The following DSCAM variants were observed in gnomAD, a reference collection of about 807,000 sequenced individuals.
DSCAM encodes DS cell adhesion molecule.
In DSCAM, 47 loss-of-function variants were observed where a neutral mutation model predicts 217.7. That is an observed-to-expected ratio of 0.22 (90% CI 0.17 to 0.28). DSCAM has a LOEUF of 0.28. Ranked by LOEUF, DSCAM falls within the 10% of genes least tolerant of loss-of-function variation. The probability of loss-of-function intolerance (pLI) is 1.00; values close to 1 mark genes in which losing one functional copy is unlikely to be tolerated. For synonymous variants in DSCAM, 1,056 were observed against 1,015.3 expected, an observed-to-expected ratio of 1.04 and a Z score of -0.76; for missense variants, 2,080 against 2,618.3, an observed-to-expected ratio of 0.79 and a Z score of 4.49.
intron 3 of DSCAM, among the ~76,000 whole-genome samples, chr21:40,614,287 G>T (rs1366839987): frequency 1.3e-5 from 2 of 151,970 alleles, no homozygotes; most frequent in Non-Finnish European, 2.9e-5. Flanking sequence ...TCATGTACTT[G>T]GTAAATTTAA....
intron 1 of DSCAM, among the ~76,000 whole-genome samples, chr21:40,808,401 G>C (rs996555852): frequency 4.6e-5 from 7 of 151,990 alleles, no homozygotes; most frequent in African/African-American, 1.7e-4. Flanking sequence ...GAGTGGTCAA[G>C]CTCTGGCAGG....
At chr21:40,274,036 C>G (rs895800942) in intron 11 of DSCAM, among the ~76,000 whole-genome samples, 1 of 152,206 alleles carries the variant, frequency 6.6e-6, no homozygotes, top group Admixed American at 6.5e-5. Context: ...ATACCCTCTT[C>G]CATGAACCCT....
intron 20 of DSCAM, among the ~76,000 whole-genome samples, chr21:40,096,372 C>G (rs1457439110): frequency 6.6e-6 from 1 of 152,170 alleles, no homozygotes; most frequent in Non-Finnish European, 1.5e-5. Context: ...CACATACTGT[C>G]AGGACCTCCT....
At chr21:40,128,717 AAG>A (rs1449186495) in intron 19 of DSCAM, among the ~76,000 whole-genome samples, 1 of 151,490 alleles carries the variant, frequency 6.6e-6, no homozygotes, top group Non-Finnish European at 1.5e-5. Context: ...AAAAAAAAAA[AAG>A]ATCCCATATC....
chr21:40,432,892 G>A (rs1186518734), intron 3 of DSCAM, among the ~76,000 whole-genome samples: 1 of 152,122 alleles, frequency 6.6e-6, no homozygotes, highest in African/African-American at 2.4e-5. Flanking sequence ...GGGGAAGTCT[G>A]AGCCTGAAAC....
chr21:40,193,380 T>G (rs2146839375), intron 11 of DSCAM, among the ~76,000 whole-genome samples: 1 of 152,282 alleles, frequency 6.6e-6, no homozygotes, highest in Non-Finnish European at 1.5e-5. Flanking sequence ...CTCAAGATAA[T>G]TAGAGATCTC....
chr21:40,360,121 G>GTTTTTTTTTTTTTTTTTTTT lies in DSCAM; in HGVS notation c.656-6379_656-6378insAAAAAAAAAAAAAAAAAAAA, dbSNP rs764160478. On this transcript the variant is annotated intron_variant, in intron 4 of 32. Coordinates refer to ENST00000400454, the MANE Select transcript of DSCAM (RefSeq NM_001389.5). ...TAGTGAGCATGGTACTTCATAGGTA[G>GTTTTTTTTTTTTTTTTTTTT]TCTTTTTTTTTTTTTTTTTTTTTTT... Among the ~76,000 whole-genome samples the GTTTTTTTTTTTTTTTTTTTT allele has an allele frequency of 4.7e-4, 39 of 82,656 alleles. 18 individuals are homozygous for GTTTTTTTTTTTTTTTTTTTT. Among genetic ancestry groups the GTTTTTTTTTTTTTTTTTTTT allele is most frequent in the African/African-American group, 5.0e-4 (10 of 19,900 alleles). 54.2% of individuals were successfully genotyped at this position (82,656 alleles called of 152,430 possible). A position where few individuals can be genotyped will look rare whatever the true frequency, so the allele number is the denominator to read the frequency against.
rs138181404 is a variant in DSCAM, at chr21:40,281,181, C to T, written c.2183-4911G>A. On this transcript the variant is annotated intron_variant, in intron 10 of 32. Coordinates refer to ENST00000400454, the MANE Select transcript of DSCAM (RefSeq NM_001389.5). ...TTGTTACAAAGCAATAGATTCCTAA[C>T]GTGTAAAATTAGGTAAGTTACATAA... is the stretch of plus-strand genomic sequence containing the variant. Among the ~76,000 whole-genome samples the T allele has an allele frequency of 4.7e-4, 71 of 152,148 alleles. No individual in the cohort carries two copies. In the East Asian group the frequency reaches 7.3e-3, roughly 16 times the overall value.
At position 40,803,822 on chromosome 21, in the gene DSCAM, T is replaced by C. The variant is rs112970603; in HGVS notation, c.43+42797A>G. ...CCTGTGTCTGGACCGTTGAGTGTTG[T>C]TGGGGAAAATCCCACAGCTGGGAAG... On this transcript the variant is annotated intron_variant, in intron 1 of 32. Transcript: ENST00000400454. Among the ~76,000 whole-genome samples the C allele has an allele frequency of 1.1e-3, 163 of 152,192 alleles. 1 individual carries two copies. The highest frequency in any genetic ancestry group is 3.8e-3 in the African/African-American group (157 of 41,512).
intron 11 of DSCAM, among the ~76,000 whole-genome samples, chr21:40,264,396 C>T (rs57732832): frequency 0.085 from 12,871 of 152,092 alleles, 1,294 homozygotes; most frequent in East Asian, 0.22. Flanking sequence ...GCAGGGATGG[C>T]TCCACATACG....
chr21:40,696,543 T>C (rs2090597399), intron 2 of DSCAM, among the ~76,000 whole-genome samples: 1 of 152,132 alleles, frequency 6.6e-6, no homozygotes, highest in South Asian at 2.1e-4. Flanking sequence ...TTCCCACTCT[T>C]GTTTCTGTGA....
At chr21:40,270,931 A>T (rs2073607591) in intron 11 of DSCAM, among the ~76,000 whole-genome samples, 1 of 152,256 alleles carries the variant, frequency 6.6e-6, no homozygotes, top group South Asian at 2.1e-4. Context: ...ACTATGGATT[A>T]TCCAGGCATA....
chr21:40,823,568 A>G (rs2091946444), intron 1 of DSCAM, among the ~76,000 whole-genome samples: 1 of 152,176 alleles, frequency 6.6e-6, no homozygotes, highest in African/African-American at 2.4e-5. Flanking sequence ...TTAACCCTTC[A>G]TTTTCTGGTT....
At chr21:40,031,385 C>T (rs529755513) in intron 32 of DSCAM, among the ~76,000 whole-genome samples, 17 of 152,226 alleles carry the variant, frequency 1.1e-4, no homozygotes, top group East Asian at 3.9e-4. Context: ...CACAAATATA[C>T]GACACTCGTG....
chr21:40,317,728 T>A (rs2074214697), intron 8 of DSCAM, among the ~76,000 whole-genome samples: 1 of 152,146 alleles, frequency 6.6e-6, no homozygotes, highest in Non-Finnish European at 1.5e-5. Context: ...AGACGGGGTT[T>A]CACCATGTTG....
At chr21:40,578,925 G>C (rs975864801) in intron 3 of DSCAM, among the ~76,000 whole-genome samples, 2 of 152,214 alleles carry the variant, frequency 1.3e-5, no homozygotes, top group African/African-American at 4.8e-5. Context: ...AAGAGTTCCA[G>C]AAACATAGTG....
At chr21:40,309,152 A>G (rs1055791983) in intron 9 of DSCAM, among the ~76,000 whole-genome samples, 3 of 152,092 alleles carry the variant, frequency 2.0e-5, no homozygotes. Context: ...TCTCCATTTT[A>G]CTGCCTCCTG....
Position 40,602,609 on chromosome 21 carries a change from C to T in DSCAM, c.508+90201G>A, listed in dbSNP as rs1044930952. 2.6e-5 allele frequency among the ~76,000 whole-genome samples: 4 copies of T among 152,220 alleles called. 1 individual carries two copies. The highest frequency in any genetic ancestry group is 4.4e-5 in the Non-Finnish European group (3 of 68,014). ...ATCCAAGTATTCAAATTTATGGCTA[C>T]AGGGCTTTTCATAACCCTATTATCC... On this transcript the variant is annotated intron_variant, in intron 3 of 32. Coordinates refer to ENST00000400454, the MANE Select transcript of DSCAM (RefSeq NM_001389.5).
chr21:40,459,290 A>G (rs2075787635), intron 3 of DSCAM, among the ~76,000 whole-genome samples: 1 of 152,184 alleles, frequency 6.6e-6, no homozygotes, highest in Admixed American at 6.5e-5. Context: ...TAGTGATGAA[A>G]TTAAATGCTA....
Sources: allele counts gnomAD v4.1 joint callset (sites outside exome capture counted in the v4.1 genomes callset), GRCh38; gene constraint gnomAD v4.1.1; transcripts MANE v1.5; gene names NCBI Gene and HGNC (gene_info 2026-07-23, HGNC 2026-07-21).